PRKG1: variants seen among roughly 807,000 people sequenced by gnomAD.
PRKG1 encodes protein kinase cGMP-dependent 1.
PRKG1 carries 35 observed loss-of-function variants against 88.1 expected under a neutral mutation model. The observed-to-expected ratio is 0.40, with a 90% CI of 0.30 to 0.53. PRKG1 has a LOEUF of 0.53. Ranked by LOEUF, PRKG1 falls within the 20% of genes least tolerant of loss-of-function variation. PRKG1 has a pLI of 0.59. For synonymous variants in PRKG1, 303 were observed against 292.5 expected, an observed-to-expected ratio of 1.04 and a Z score of -0.37; for missense variants, 540 against 839.8, an observed-to-expected ratio of 0.64 and a Z score of 4.41.
chr10:52,080,447 A>G (rs773845294), intron 7 of PRKG1, among the ~76,000 whole-genome samples: 2 of 152,150 alleles, frequency 1.3e-5, no homozygotes, highest in Non-Finnish European at 2.9e-5. Context: ...ACATTTTTCA[A>G]TGCAAAAAAA....
At chr10:51,647,936 T>A (rs1839953648) in intron 3 of PRKG1, among the ~76,000 whole-genome samples, 1 of 152,150 alleles carries the variant, frequency 6.6e-6, no homozygotes, top group Non-Finnish European at 1.5e-5. Flanking sequence ...CATGCCCTAT[T>A]TTCAACCATG....
At chr10:51,078,516 C>A (rs1265896137) in intron 1 of PRKG1, among the ~76,000 whole-genome samples, 2 of 151,202 alleles carry the variant, frequency 1.3e-5, no homozygotes, top group East Asian at 3.9e-4. Flanking sequence ...AGATGTGAGC[C>A]ACCACACCTG....
chr10:51,710,954 C>T (rs1841731838), intron 3 of PRKG1, among the ~76,000 whole-genome samples: 1 of 152,160 alleles, frequency 6.6e-6, no homozygotes, highest in Non-Finnish European at 1.5e-5. Context: ...TCTCGGCCTC[C>T]CGAAGGTGCT....
At chr10:51,970,826 T>C (rs886603563) in intron 5 of PRKG1, among the ~76,000 whole-genome samples, 1 of 143,024 alleles carries the variant, frequency 7.0e-6, no homozygotes, top group Non-Finnish European at 1.5e-5. Flanking sequence ...TATATATATA[T>C]ATGTGATATA....
intron 2 of PRKG1, among the ~76,000 whole-genome samples, chr10:51,385,968 A>G (rs1157997458): frequency 1.3e-5 from 2 of 152,186 alleles, no homozygotes; most frequent in East Asian, 3.9e-4. Flanking sequence ...CTTCACCTTC[A>G]AGAGTAGAAA....
intron 3 of PRKG1, among the ~76,000 whole-genome samples, chr10:51,716,991 C>T (rs1260408507): frequency 6.6e-6 from 1 of 152,194 alleles, no homozygotes; most frequent in Non-Finnish European, 1.5e-5. Context: ...AGCCACTGTG[C>T]CCAGCCAATA....
intron 2 of PRKG1, among the ~76,000 whole-genome samples, chr10:51,315,153 T>C (rs1841286855): frequency 6.6e-6 from 1 of 152,176 alleles, no homozygotes. Flanking sequence ...ATAAAGGAAC[T>C]TTTTGTAATC....
chr10:51,070,959 T>A (rs952238952), upstream of PRKG1, among the ~76,000 whole-genome samples: 87 of 152,336 alleles, frequency 5.7e-4, no homozygotes, highest in African/African-American at 2.0e-3. Flanking sequence ...TGTCAAAGCT[T>A]CATCTCAGAT....
chr10:52,134,089 T>G (rs913689070), intron 8 of PRKG1, among the ~76,000 whole-genome samples, 184 bp downstream of exon 8: 2 of 152,168 alleles, frequency 1.3e-5, no homozygotes, highest in African/African-American at 4.8e-5. Flanking sequence ...CATTCTAGCT[T>G]TGTGATCTTT....
intron 2 of PRKG1, among the ~76,000 whole-genome samples, chr10:51,279,552 T>C (rs546071264): frequency 2.0e-5 from 3 of 152,240 alleles, no homozygotes; most frequent in African/African-American, 7.2e-5. Context: ...TTTATGAATC[T>C]GGGTGCCCCT....
chr10:51,176,990 A>ACTT (rs1176195391), intron 2 of PRKG1, among the ~76,000 whole-genome samples: 1 of 152,192 alleles, frequency 6.6e-6, no homozygotes, highest in African/African-American at 2.4e-5. Context: ...TTTAAGAGTG[A>ACTT]AGACATAAAA....
At chr10:51,119,390 G>A (rs1845208941) in intron 1 of PRKG1, among the ~76,000 whole-genome samples, 1 of 151,780 alleles carries the variant, frequency 6.6e-6, no homozygotes, top group East Asian at 1.9e-4. Context: ...AAATTTTCCT[G>A]ATTATCTAGA....
intron 4 of PRKG1, among the ~76,000 whole-genome samples, chr10:51,861,366 C>T (rs1840868435): frequency 1.3e-5 from 2 of 152,172 alleles, no homozygotes; most frequent in South Asian, 4.1e-4. Context: ...TACTTCTCTA[C>T]TCCAACAGTG....
At chr10:51,113,053 A>G (rs984649768) in intron 1 of PRKG1, among the ~76,000 whole-genome samples, 9 of 152,194 alleles carry the variant, frequency 5.9e-5, no homozygotes, top group Non-Finnish European at 1.0e-4. Flanking sequence ...ATGACATGGA[A>G]CAATGATTTT....
intron 5 of PRKG1, among the ~76,000 whole-genome samples, chr10:52,037,044 C>G (rs543013076): frequency 6.6e-6 from 1 of 152,084 alleles, no homozygotes; most frequent in Non-Finnish European, 1.5e-5. Flanking sequence ...GCCGCTAAGC[C>G]GAGAAGATCT....
At chr10:52,124,748 TTTC>T (rs139739798) in intron 7 of PRKG1, among the ~76,000 whole-genome samples, 3,327 of 152,222 alleles carry the variant, frequency 0.022, 125 homozygotes, top group African/African-American at 0.075. Flanking sequence ...ATAGAAATAG[TTTC>T]TTCTTTACAT....
intron 2 of PRKG1, among the ~76,000 whole-genome samples, chr10:51,355,582 A>C (rs1180960778): frequency 6.6e-6 from 1 of 152,026 alleles, no homozygotes; most frequent in Non-Finnish European, 1.5e-5. Flanking sequence ...CACAGTGAAG[A>C]TGTAACCATC....
chr10:51,347,172 G>T (rs1398279511), intron 2 of PRKG1, among the ~76,000 whole-genome samples: 1 of 151,514 alleles, frequency 6.6e-6, no homozygotes, highest in Non-Finnish European at 1.5e-5. Context: ...CACACCCCTG[G>T]ATCAATAAGA....
At chr10:51,483,381 C>T (rs1056641122) in intron 3 of PRKG1, among the ~76,000 whole-genome samples, 3 of 152,230 alleles carry the variant, frequency 2.0e-5, no homozygotes, top group Admixed American at 6.5e-5. Flanking sequence ...TAATGCCTTC[C>T]GTGTAAAATT....
Sources: gnomAD v4.1 joint callset for allele counts (sites outside exome capture counted in the v4.1 genomes callset) on GRCh38, gnomAD v4.1.1 for gene constraint, MANE v1.5 for transcripts, NCBI Gene and HGNC (gene_info 2026-07-23, HGNC 2026-07-21) for gene names.